Variants in DGKB observed in about 807,000 individuals in gnomAD.
The protein encoded by DGKB is 90 kDa diacylglycerol kinase.
DGKB carries 67 observed loss-of-function variants against 114.3 expected under a neutral mutation model. That is an observed-to-expected ratio of 0.59 (90% CI 0.48 to 0.72). The LOEUF is 0.72. Ranked by LOEUF, DGKB falls within the 30% of genes least tolerant of loss-of-function variation. DGKB has a pLI of 0.00. For missense variants in DGKB, 907 were observed against 975.2 expected (o/e 0.93, Z 0.93); for synonymous variants, 398 against 323.1 (o/e 1.23, Z -2.49).
chr7:14,583,973 C>T (rs550718971), intron 17 of DGKB, among the ~76,000 whole-genome samples: 129 of 152,274 alleles, frequency 8.5e-4, no homozygotes, highest in African/African-American at 2.9e-3. Context: ...ATATAATATG[C>T]AACTATCCAA....
At chr7:14,400,550 A>T (rs1208783415) in intron 21 of DGKB, among the ~76,000 whole-genome samples, 2 of 151,804 alleles carry the variant, frequency 1.3e-5, no homozygotes, top group African/African-American at 4.8e-5. Flanking sequence ...GTCATTCAGG[A>T]TGGTAAAAAT....
chr7:14,809,425 A>C (rs1459746663), intron 2 of DGKB, among the ~76,000 whole-genome samples: 1 of 152,196 alleles, frequency 6.6e-6, no homozygotes, highest in South Asian at 2.1e-4. Context: ...AAAGACTTCA[A>C]GTTCAAGTGA....
chr7:14,447,787 CT>C (rs1287587908), intron 21 of DGKB, among the ~76,000 whole-genome samples: 1 of 152,064 alleles, frequency 6.6e-6, no homozygotes, highest in Non-Finnish European at 1.5e-5. Context: ...TAACCACTGA[CT>C]TTTTCTAAGC....
chr7:14,764,305 T>C (rs1836137551), intron 2 of DGKB, among the ~76,000 whole-genome samples: 1 of 151,962 alleles, frequency 6.6e-6, no homozygotes, highest in South Asian at 2.1e-4. Flanking sequence ...TATAATTTAA[T>C]TGTATAATTG....
chr7:14,392,982 G>GTTTTTTTTTT (rs1298052301), intron 21 of DGKB, among the ~76,000 whole-genome samples: 1 of 27,482 alleles, frequency 3.6e-5, no homozygotes, highest in African/African-American at 8.9e-5. Context: ...AAACAGACCT[G>GTTTTTTTTTT]TTTTTTGTTT....
At chr7:14,770,592 G>A (rs538222757) in intron 2 of DGKB, among the ~76,000 whole-genome samples, 97 of 152,176 alleles carry the variant, frequency 6.4e-4, no homozygotes, top group African/African-American at 2.2e-3. Context: ...AATTGAAGAA[G>A]GAAAATTTTG....
chr7:14,710,090 A>C (rs1022487235), intron 6 of DGKB, among the ~76,000 whole-genome samples: 2 of 152,116 alleles, frequency 1.3e-5, no homozygotes, highest in African/African-American at 4.8e-5. Flanking sequence ...ATGAGATTGT[A>C]CTGAACCTAT....
intron 23 of DGKB, chr7:14,191,902 T>C: frequency 1.8e-6 from 1 of 568,114 alleles, no homozygotes; most frequent in Admixed American, 2.2e-5. Context: ...AGGAAAAGAT[T>C]GATTGCCAGT....
At chr7:14,827,807 T>G (rs933114480) in intron 2 of DGKB, among the ~76,000 whole-genome samples, 1 of 152,116 alleles carries the variant, frequency 6.6e-6, no homozygotes, top group Non-Finnish European at 1.5e-5. Context: ...GTAGCATAGC[T>G]TCTGCTACAT....
chr7:14,483,313 A>G (rs1156308883), intron 20 of DGKB, among the ~76,000 whole-genome samples: 3 of 152,210 alleles, frequency 2.0e-5, no homozygotes, highest in Non-Finnish European at 4.4e-5. Flanking sequence ...TTGAAAGCAC[A>G]TAACTTGTTT....
chr7:14,597,025 C>T (rs1420202431), intron 17 of DGKB, among the ~76,000 whole-genome samples: 1 of 152,094 alleles, frequency 6.6e-6, no homozygotes, highest in Non-Finnish European at 1.5e-5. Context: ...CCTTCAAGAG[C>T]ATCTGCTTCT....
At chr7:14,828,714 A>G (rs1846029506) in intron 2 of DGKB, among the ~76,000 whole-genome samples, 1 of 152,174 alleles carries the variant, frequency 6.6e-6, no homozygotes, top group African/African-American at 2.4e-5. Context: ...GAAAAGTGTA[A>G]GCAGTCTAAA....
chr7:14,193,440 T>C (rs1296157048), intron 23 of DGKB, among the ~76,000 whole-genome samples: 2 of 152,058 alleles, frequency 1.3e-5, no homozygotes, highest in East Asian at 3.9e-4. Context: ...AAAACACACA[T>C]TGGGGAAAAA....
At position 14,282,501 on chromosome 7, in the gene DGKB, C is replaced by A. The variant is rs1235327984; in HGVS notation, c.2122+56014G>T. Among the ~76,000 whole-genome samples, 782 of 151,366 alleles carry A rather than the reference C, an allele frequency of 5.2e-3. 4 individuals carry two copies. The highest frequency in any genetic ancestry group is 7.9e-3 in the Admixed American group (120 of 15,164). Reference sequence around the variant, plus strand: ...AATAGAAAAAGAGGGAATCCTCCCTCACTCATTTGATGAGGCCAGCATCAT... The same window carrying A: ...AATAGAAAAAGAGGGAATCCTCCCTAACTCATTTGATGAGGCCAGCATCAT... On this transcript the variant is annotated intron_variant, in intron 23 of 25. Transcript: ENST00000402815.
At chr7:14,725,338 T>G (rs963508271) in intron 5 of DGKB, among the ~76,000 whole-genome samples, 11 of 152,292 alleles carry the variant, frequency 7.2e-5, no homozygotes, top group African/African-American at 2.6e-4. Flanking sequence ...CTATACTGTA[T>G]GCAGATGGAT....
intron 20 of DGKB, among the ~76,000 whole-genome samples, chr7:14,547,240 C>A (rs1794428181): frequency 6.6e-6 from 1 of 152,040 alleles, no homozygotes; most frequent in Non-Finnish European, 1.5e-5. Flanking sequence ...ACAAAATAAA[C>A]CTGCTACATC....
At chr7:14,341,975 A>C (rs1015078356) in intron 22 of DGKB, among the ~76,000 whole-genome samples, 1 of 151,868 alleles carries the variant, frequency 6.6e-6, no homozygotes. Context: ...TTTTTACTCA[A>C]TGAAACGTAA....
At chr7:14,648,413 A>G (rs1428020324) in intron 13 of DGKB, among the ~76,000 whole-genome samples, 1 of 152,150 alleles carries the variant, frequency 6.6e-6, no homozygotes, top group African/African-American at 2.4e-5. Flanking sequence ...AGGGTACTCC[A>G]ACAGACCTGC....
In DGKB at chr7:14,718,745, CAAATT is replaced by C. The variant is rs1004941033; in HGVS notation, c.323-65_323-61del. On this transcript the variant is annotated intron_variant, in intron 5 of 25. Transcript: ENST00000402815. ...ATTTACAGTGATCTCAAACAGAAAA[CAAATT>C]AAGAAAATAGAGAACACACAGGCTA... is the stretch of plus-strand genomic sequence containing the variant. The C allele has an allele frequency of 7.0e-6, 9 of 1,289,450 alleles. No homozygotes were observed. In the African/African-American group the frequency reaches 1.0e-4, roughly 15 times the overall value. 79.9% of individuals were successfully genotyped at this position (1,289,450 alleles called of 1,614,324 possible). A position where few individuals can be genotyped will look rare whatever the true frequency, so the allele number is the denominator to read the frequency against.
Sources: allele counts gnomAD v4.1 joint callset (sites outside exome capture counted in the v4.1 genomes callset), GRCh38; gene constraint gnomAD v4.1.1; transcripts MANE v1.5; gene names NCBI Gene and HGNC (gene_info 2026-07-23, HGNC 2026-07-21).